The following PANX1 variants were observed in gnomAD, a reference collection of about 807,000 sequenced individuals.
The protein encoded by PANX1 is pannexin-1.
PANX1 carries 30 observed loss-of-function variants against 38.7 expected under a neutral mutation model. The ratio of observed to expected loss-of-function variants is 0.78; its 90% confidence interval spans 0.58 to 1.05. PANX1 has a LOEUF of 1.05. Ranked by LOEUF, PANX1 falls within the 50% of genes least tolerant of loss-of-function variation. The probability of loss-of-function intolerance (pLI) is 0.00; values close to 1 mark genes in which losing one functional copy is unlikely to be tolerated. For synonymous variants in PANX1, 230 were observed against 212.2 expected (o/e 1.08, Z -0.73); for missense variants, 551 against 517.2 (o/e 1.07, Z -0.63).
chr11:94,156,940 T>A (rs1335753429), intron 2 of PANX1, among the ~76,000 whole-genome samples: 1 of 151,736 alleles, frequency 6.6e-6, no homozygotes, highest in Non-Finnish European at 1.5e-5. Context: ...TGTGTTGTCG[T>A]TGTTCAATTC....
rs558780878 is a variant in PANX1 at position 94,140,713 on chromosome 11, C to A, written c.181+11220C>A. On this transcript the variant is annotated intron_variant, in intron 1 of 4. Coordinates refer to ENST00000227638, the MANE Select transcript of PANX1 (RefSeq NM_015368.4). ...TCTCAAACATTTTGGTCTTAGGACC[C>A]CTTTACACCCTTAAAATTTCTTGAG... Among the ~76,000 whole-genome samples, 4 of 152,136 alleles carry A rather than the reference C, an allele frequency of 2.6e-5. No homozygotes were observed. The East Asian group carries it at 7.7e-4, about 29-fold the overall frequency.
intron 2 of PANX1, among the ~76,000 whole-genome samples, chr11:94,170,423 T>C (rs1947152156): frequency 6.6e-6 from 1 of 151,832 alleles, no homozygotes; most frequent in Non-Finnish European, 1.5e-5. Context: ...TAACATCCCA[T>C]TGTAAATTTG....
Position 94,181,201 on chromosome 11 carries a change from C to T in PANX1, c.*332C>T, listed in dbSNP as rs957026954. On this transcript the variant is annotated 3_prime_UTR_variant, in exon 5 of 5. Transcript: ENST00000227638. ...CCTCGGAGCAATACCTTTCTGTACC[C>T]GTGGTGAGACAAGACCCAGAGCTAC... is the stretch of plus-strand genomic sequence containing the variant. 2.2e-5 allele frequency: 5 copies of T among 225,572 alleles called. No homozygotes were observed. Among genetic ancestry groups the T allele is most frequent in the African/African-American group, 4.5e-5 (2 of 44,636 alleles). The allele number at this position is 225,572 out of a possible 1,614,324, so 14.0% of individuals were successfully genotyped here.
At chr11:94,179,455 G>A (rs954462417) in intron 3 of PANX1, 147 bp from the exon 4 acceptor site, 9 of 599,000 alleles carry the variant, frequency 1.5e-5, no homozygotes, top group Admixed American at 6.6e-5. Flanking sequence ...TCTTTTAAAC[G>A]GATTTTATTT....
At chr11:94,162,697 T>C (rs1268498723) in intron 2 of PANX1, among the ~76,000 whole-genome samples, 1 of 152,124 alleles carries the variant, frequency 6.6e-6, no homozygotes, top group African/African-American at 2.4e-5. Context: ...CTGCTTCGGC[T>C]CACGCTGGGT....
intron 2 of PANX1, among the ~76,000 whole-genome samples, chr11:94,160,697 T>C (rs1400135303): frequency 2.0e-5 from 3 of 152,248 alleles, no homozygotes; most frequent in Non-Finnish European, 4.4e-5. Context: ...AGTCTGTGTC[T>C]TTTAATTGGA....
At chr11:94,144,808 T>C (rs1444447704) in intron 1 of PANX1, among the ~76,000 whole-genome samples, 1 of 152,146 alleles carries the variant, frequency 6.6e-6, no homozygotes, top group Non-Finnish European at 1.5e-5. Flanking sequence ...CAGGGCTGAA[T>C]TGCAACTTGA....
intron 2 of PANX1, chr11:94,175,652 G>A (rs919600203): frequency 2.8e-6 from 2 of 721,220 alleles, no homozygotes; most frequent in Middle Eastern, 6.9e-4. Context: ...GGTTATGGAA[G>A]CAGCAGAAAC....
At chr11:94,140,550 T>C (rs904809882) in intron 1 of PANX1, among the ~76,000 whole-genome samples, 1 of 152,258 alleles carries the variant, frequency 6.6e-6, no homozygotes, top group Non-Finnish European at 1.5e-5. Flanking sequence ...TTCCATCATG[T>C]GACTATACCT....
chr11:94,158,677 A>G (rs1475938165), intron 2 of PANX1, among the ~76,000 whole-genome samples: 2 of 152,208 alleles, frequency 1.3e-5, no homozygotes, highest in African/African-American at 4.8e-5. Flanking sequence ...CTAAATATAC[A>G]ATCATGTCAT....
At chr11:94,131,880 A>T (rs1354876490) in intron 1 of PANX1, among the ~76,000 whole-genome samples, 1 of 152,160 alleles carries the variant, frequency 6.6e-6, no homozygotes, top group Non-Finnish European at 1.5e-5. Flanking sequence ...AACAGCAATA[A>T]AGGGAGAATG....
chr11:94,172,876 A>G (rs1947184456), intron 2 of PANX1, among the ~76,000 whole-genome samples: 1 of 151,664 alleles, frequency 6.6e-6, no homozygotes, highest in South Asian at 2.1e-4. Flanking sequence ...GTGAACAGAT[A>G]CTTTGCTCGC....
At chr11:94,171,581 G>A (rs1947167729) in intron 2 of PANX1, among the ~76,000 whole-genome samples, 1 of 151,566 alleles carries the variant, frequency 6.6e-6, no homozygotes, top group African/African-American at 2.4e-5. Flanking sequence ...TCCTGACAAA[G>A]GATGGGGGAT....
chr11:94,153,031 T>C (rs1258431544), intron 1 of PANX1, among the ~76,000 whole-genome samples: 2 of 152,180 alleles, frequency 1.3e-5, no homozygotes, highest in Non-Finnish European at 2.9e-5. Context: ...CCCTTCAGCT[T>C]TCTCTTCCTC....
At chr11:94,157,519 G>A (rs1304348746) in intron 2 of PANX1, among the ~76,000 whole-genome samples, 1 of 152,156 alleles carries the variant, frequency 6.6e-6, no homozygotes, top group African/African-American at 2.4e-5. Context: ...GTGTCTGTTG[G>A]CTGCATAAAT....
At chr11:94,163,567 A>G (rs1391673384) in intron 2 of PANX1, among the ~76,000 whole-genome samples, 1 of 152,234 alleles carries the variant, frequency 6.6e-6, no homozygotes, top group Non-Finnish European at 1.5e-5. Flanking sequence ...CATCCCTAAG[A>G]TAAATCCCAC....
At chr11:94,129,634 A>C (rs1006190644) in intron 1 of PANX1, 141 bp downstream of exon 1, 6 of 719,672 alleles carry the variant, frequency 8.3e-6, no homozygotes, top group Non-Finnish European at 1.3e-5. Context: ...CCCCAGTTTT[A>C]TGGTCCAAAG....
intron 1 of PANX1, among the ~76,000 whole-genome samples, chr11:94,137,176 T>A (rs1223406098): frequency 6.6e-6 from 1 of 151,966 alleles, no homozygotes; most frequent in Admixed American, 6.6e-5. Flanking sequence ...TGGTGGCGCA[T>A]GCCTGTAGTC....
chr11:94,130,199 G>C (rs1228115224), intron 1 of PANX1, among the ~76,000 whole-genome samples: 1 of 152,182 alleles, frequency 6.6e-6, no homozygotes, highest in East Asian at 1.9e-4. Flanking sequence ...CCACACAGGA[G>C]AGAGTGTTTA....
Sources: allele counts gnomAD v4.1 joint callset (sites outside exome capture counted in the v4.1 genomes callset), GRCh38; gene constraint gnomAD v4.1.1; transcripts MANE v1.5; gene names NCBI Gene and HGNC (gene_info 2026-07-23, HGNC 2026-07-21).